MAP3K1: variants seen among roughly 807,000 people sequenced by gnomAD.
MAP3K1 encodes mitogen-activated protein kinase kinase kinase 1.
MAP3K1 carries 36 observed loss-of-function variants against 144.2 expected under a neutral mutation model. That is an observed-to-expected ratio of 0.25 (90% CI 0.19 to 0.33). MAP3K1 has a LOEUF of 0.33. Ranked by LOEUF, MAP3K1 falls within the 10% of genes least tolerant of loss-of-function variation. The pLI is 1.00. For missense variants in MAP3K1, 1,650 were observed against 1,881.9 expected, an observed-to-expected ratio of 0.88 and a Z score of 2.28; for synonymous variants, 718 against 688.7, an observed-to-expected ratio of 1.04 and a Z score of -0.67.
At position 56,875,082 on chromosome 5, in the gene MAP3K1, G is replaced by T. The variant is rs1162580059; in HGVS notation, c.1737G>T (p.Val579=). ...VGCLFSRNWN[V]REMALRRLSH... ...GCTTATTTTCTAGAAACTGGAATGTGAGAGAGATGGCCCTCAGGCGTCTTT... is the reference window on the plus strand; with the variant it reads ...GCTTATTTTCTAGAAACTGGAATGTTAGAGAGATGGCCCTCAGGCGTCTTT... The change falls in exon 10 of 20, where the codon GTG becomes GTT. Residue 579 remains valine, a synonymous_variant. Coordinates refer to ENST00000399503, the MANE Select transcript of MAP3K1 (RefSeq NM_005921.2). 6.2e-7 allele frequency: 1 copy of T among 1,614,200 alleles called. No homozygotes were observed. The highest frequency in any genetic ancestry group is 1.3e-5 in the African/African-American group (1 of 75,052).
At chr5:56,831,200 T>A (rs917142881) in intron 1 of MAP3K1, among the ~76,000 whole-genome samples, 2 of 151,370 alleles carry the variant, frequency 1.3e-5, no homozygotes, top group African/African-American at 4.9e-5. Context: ...TTTTTTTTTT[T>A]TTAGGATCAT....
At chr5:56,833,150 G>A (rs924470096) in intron 1 of MAP3K1, among the ~76,000 whole-genome samples, 2 of 152,220 alleles carry the variant, frequency 1.3e-5, no homozygotes, top group South Asian at 2.1e-4. Context: ...GATTACAGGC[G>A]TGAGCCACCA....
At chr5:56,837,141 T>A (rs78629131) in intron 1 of MAP3K1, among the ~76,000 whole-genome samples, 93 of 151,548 alleles carry the variant, frequency 6.1e-4, no homozygotes, top group African/African-American at 2.2e-3. Flanking sequence ...CCCCCTGAGC[T>A]AGTTCCCTTT....
rs564003377 is a variant in MAP3K1, at chr5:56,859,825, A to G, written c.744A>G (p.Arg248=). The G allele has an allele frequency of 7.2e-5, 116 of 1,614,004 alleles. 1 individual carries two copies. In the South Asian group the frequency reaches 1.2e-3, roughly 17 times the overall value. ...ASAASPASKG[R]RSPSPGNSPS... ...CGGCTTCACCAGCTTCCAAAGGCCG[A>G]CGCAGTCCTTCTCCTGGCAACTCCC... Residue 248 remains arginine (R), a synonymous_variant, in exon 3 of 20, where the codon CGA becomes CGG. Transcript: ENST00000399503.
intron 1 of MAP3K1, among the ~76,000 whole-genome samples, chr5:56,854,692 C>T (rs887329736): frequency 6.6e-6 from 1 of 152,110 alleles, no homozygotes; most frequent in African/African-American, 2.4e-5. Flanking sequence ...CAAGGAACAT[C>T]CTTTGTGTGT....
intron 19 of MAP3K1, among the ~76,000 whole-genome samples, chr5:56,890,200 A>T (rs1748508103): frequency 6.6e-6 from 1 of 152,192 alleles, no homozygotes; most frequent in African/African-American, 2.4e-5. Flanking sequence ...CCAGAGTCTT[A>T]TACAGAAGTT....
chr5:56,862,056 A>C (rs2111882189), intron 3 of MAP3K1: 1 of 152,296 alleles, frequency 6.6e-6, no homozygotes, highest in East Asian at 1.9e-4. Context: ...TTAAAACAAT[A>C]ATCAGTTACT....
intron 1 of MAP3K1, chr5:56,852,114 G>A (rs539225943): frequency 8.6e-5 from 13 of 151,960 alleles, no homozygotes; most frequent in African/African-American, 3.1e-4. Flanking sequence ...TGCAGAGACG[G>A]GAGTAAAATA....
chr5:56,819,168 T>A (rs559139539), intron 1 of MAP3K1, among the ~76,000 whole-genome samples: 1 of 152,212 alleles, frequency 6.6e-6, no homozygotes, highest in Non-Finnish European at 1.5e-5. Flanking sequence ...GAGCTAGAAT[T>A]GTTGCCAACT....
At chr5:56,855,656 T>C (rs1318516203) in intron 1 of MAP3K1, among the ~76,000 whole-genome samples, 2 of 152,212 alleles carry the variant, frequency 1.3e-5, no homozygotes, top group African/African-American at 4.8e-5. Context: ...TGAATTTGTC[T>C]TTGTAGTAAA....
chr5:56,819,286 C>T (rs1162345372), intron 1 of MAP3K1, among the ~76,000 whole-genome samples: 1 of 152,156 alleles, frequency 6.6e-6, no homozygotes, highest in Non-Finnish European at 1.5e-5. Context: ...ATACGAAAAA[C>T]AGGAAGTAGC....
At chr5:56,818,246 T>C (rs1446386394) in intron 1 of MAP3K1, among the ~76,000 whole-genome samples, 1 of 152,194 alleles carries the variant, frequency 6.6e-6, no homozygotes, top group Non-Finnish European at 1.5e-5. Flanking sequence ...TTTGAGTGTG[T>C]ATATTTTGTA....
chr5:56,847,151 T>G (rs1747023570), intron 1 of MAP3K1, among the ~76,000 whole-genome samples: 1 of 152,258 alleles, frequency 6.6e-6, no homozygotes, highest in South Asian at 2.1e-4. Flanking sequence ...GGGTTTCAGC[T>G]GCAAGGAATA....
At chr5:56,827,005 C>T (rs2111768348) in intron 1 of MAP3K1, among the ~76,000 whole-genome samples, 1 of 152,262 alleles carries the variant, frequency 6.6e-6, no homozygotes, top group East Asian at 1.9e-4. Flanking sequence ...AGGTGGAGCA[C>T]CAAGCCAAGT....
chr5:56,867,819 A>G (rs1010624709), intron 6 of MAP3K1, among the ~76,000 whole-genome samples: 3 of 152,222 alleles, frequency 2.0e-5, no homozygotes, highest in Non-Finnish European at 4.4e-5. Flanking sequence ...TGTTTCTCAT[A>G]GTATTATGGT....
chr5:56,835,635 A>G (rs1195402809), intron 1 of MAP3K1, among the ~76,000 whole-genome samples: 1 of 151,922 alleles, frequency 6.6e-6, no homozygotes, highest in Non-Finnish European at 1.5e-5. Context: ...AACCTGGAGA[A>G]GGAGGGAGAT....
chr5:56,844,345 A>AT (rs1193017947), intron 1 of MAP3K1, among the ~76,000 whole-genome samples: 6 of 151,394 alleles, frequency 4.0e-5, no homozygotes, highest in African/African-American at 4.8e-5. Context: ...ATGCCCGGCT[A>AT]TTTTTTTGTA....
In MAP3K1 at chr5:56,894,835, G is replaced by A; in HGVS notation, c.*1155G>A. ...TAAACAGTACATTTGCTTTGAACTT[G>A]GAAAATGTGTTCAGAAAGAAAAATG... On this transcript the variant is annotated 3_prime_UTR_variant, in exon 20 of 20. Coordinates refer to ENST00000399503, the MANE Select transcript of MAP3K1 (RefSeq NM_005921.2). The A allele has an allele frequency of 4.3e-6, 1 of 231,900 alleles. No individual in the cohort carries two copies. Among genetic ancestry groups the A allele is most frequent in the Non-Finnish European group, 8.5e-6 (1 of 117,324 alleles). The allele number at this position is 231,900 out of a possible 1,614,324, so 14.4% of individuals were successfully genotyped here.
intron 4 of MAP3K1, among the ~76,000 whole-genome samples, 163 bp downstream of exon 4, chr5:56,865,097 T>C (rs980252370): frequency 1.3e-5 from 2 of 152,216 alleles, no homozygotes; most frequent in African/African-American, 4.8e-5. Flanking sequence ...AATGTATTTA[T>C]GAGGTTTTAC....
Sources: allele counts gnomAD v4.1 joint callset (sites outside exome capture counted in the v4.1 genomes callset), GRCh38; gene constraint gnomAD v4.1.1; transcripts MANE v1.5; gene names NCBI Gene and HGNC (gene_info 2026-07-23, HGNC 2026-07-21).